LCT: variants seen among roughly 807,000 people sequenced by gnomAD.
LCT encodes the protein lactase, also known as lactase/phlorizin hydrolase.
Under a neutral mutation model 173.0 loss-of-function variants are expected in LCT, and 90 were observed. The observed-to-expected ratio is 0.52, with a 90% CI of 0.44 to 0.62. The LOEUF (loss-of-function observed/expected upper bound fraction) is 0.62. Among genes scored for constraint, LCT ranks in the 20% least tolerant of loss-of-function variants. The pLI, the probability that LCT is intolerant of heterozygous loss-of-function variation, is 0.00. For missense variants in LCT, 1,864 were observed against 2,431.4 expected, an observed-to-expected ratio of 0.77 and a Z score of 4.91; for synonymous variants, 853 against 957.6, an observed-to-expected ratio of 0.89 and a Z score of 2.02.
At chr2:135,808,107 G>A (rs778364330) in intron 8 of LCT, among the ~76,000 whole-genome samples, 15 of 151,878 alleles carry the variant, frequency 9.9e-5, no homozygotes, top group Non-Finnish European at 1.9e-4. Flanking sequence ...TAAGCTCTAC[G>A]AAGGCAGAAA....
rs780948649 is a variant in LCT, at chr2:135,809,107, G to A, written c.3240C>T (p.Pro1080=). The change falls in exon 8 of 17, where the codon CCC becomes CCT. Residue 1080 remains proline (P), a synonymous_variant. Transcript: ENST00000264162. The surrounding 1 kb of genome is among the most constrained non-coding windows in gnomAD (Gnocchi z 5.5). ...CCCAGCCTGGGTCCTTCACCCCTGGGGGAAATTCCCCTGAGCCATAACCTA... is the reference window on the plus strand; with the variant it reads ...CCCAGCCTGGGTCCTTCACCCCTGGAGGAAATTCCCCTGAGCCATAACCTA... ...AWLGYGSGEF[P]PGVKDPGWAP... 3 of 1,614,114 alleles carry A rather than the reference G, an allele frequency of 1.9e-6. No individual in the cohort carries two copies. In the South Asian group the frequency reaches 3.3e-5, roughly 18 times the overall value.
chr2:135,834,352 A>T (rs1356127193), intron 1 of LCT, among the ~76,000 whole-genome samples: 1 of 151,454 alleles, frequency 6.6e-6, no homozygotes, highest in Admixed American at 6.6e-5. Flanking sequence ...CGCCTCGCTA[A>T]TTTTTTGTAT....
intron 6 of LCT, among the ~76,000 whole-genome samples, chr2:135,816,757 C>T (rs1258490870): frequency 6.6e-6 from 1 of 152,208 alleles, no homozygotes; most frequent in East Asian, 1.9e-4. Flanking sequence ...ATCATGACCA[C>T]ATTGTTTATC....
rs138208430 is a variant in LCT, at chr2:135,797,695, C to T, written c.4976+334G>A. Among the ~76,000 whole-genome samples, 142 of 152,266 alleles carry T rather than the reference C, an allele frequency of 9.3e-4. 1 individual carries two copies. Among genetic ancestry groups the T allele is most frequent in the African/African-American group, 3.2e-3 (131 of 41,550 alleles). On this transcript the variant is annotated intron_variant, in intron 13 of 16. Transcript: ENST00000264162. Reference sequence around the variant, plus strand: ...TGCTGGCCAAGTGATGCAAAGCACACGCCTGACTGTCAGCCACTGCCACCC... The same window carrying T: ...TGCTGGCCAAGTGATGCAAAGCACATGCCTGACTGTCAGCCACTGCCACCC...
chr2:135,817,019 A>AT (rs1045272455), intron 6 of LCT, among the ~76,000 whole-genome samples: 2 of 151,352 alleles, frequency 1.3e-5, no homozygotes, highest in African/African-American at 4.9e-5. Flanking sequence ...CAGGCGTGCA[A>AT]CACTATGCCC....
chr2:135,815,980 C>T (rs1325191583), intron 6 of LCT, among the ~76,000 whole-genome samples: 97 of 152,218 alleles, frequency 6.4e-4, no homozygotes, highest in African/African-American at 2.4e-5. Flanking sequence ...GGATTACAGG[C>T]GTGAGCCACC....
chr2:135,831,165 C>A (rs2077934708), intron 2 of LCT, among the ~76,000 whole-genome samples: 2 of 152,146 alleles, frequency 1.3e-5, no homozygotes, highest in African/African-American at 4.8e-5. Flanking sequence ...GGCTAAGGGT[C>A]CGGGTGGGGA....
In LCT at chr2:135,817,766, C is replaced by T. The variant is rs144650214; in HGVS notation, c.1282G>A (p.Val428Met). 5.6e-6 allele frequency: 9 copies of T among 1,613,814 alleles called. No individual in the cohort carries two copies. Among genetic ancestry groups the T allele is most frequent in the Non-Finnish European group, 7.6e-6 (9 of 1,179,970 alleles). ...NTTEGQATLEVASDSYHKVAS... is the reference protein window; with the variant it reads ...NTTEGQATLEMASDSYHKVAS... ...ACCTTGTGGTAACTGTCGCTGGCCA[C>T]CTCCAGCGTCGCTTGGCCCTCAGTG... Residue 428 changes from valine (V) to methionine (M), a missense_variant, in exon 6 of 17, where the codon GTG (valine) becomes ATG (methionine). Val to Met is a conservative substitution (Grantham distance 21). This residue lies in a region of LCT where 183 missense variants were observed against 293.1 expected (regional missense o/e 0.62). Transcript: ENST00000264162.
chr2:135,801,573 G>C (rs1244277099), intron 11 of LCT, among the ~76,000 whole-genome samples: 1 of 151,716 alleles, frequency 6.6e-6, no homozygotes, highest in Non-Finnish European at 1.5e-5. Flanking sequence ...AAATTAGCCA[G>C]CTGTGGTGGC....
At chr2:135,805,851 T>C (rs1288631771) in intron 9 of LCT, among the ~76,000 whole-genome samples, 1 of 152,134 alleles carries the variant, frequency 6.6e-6, no homozygotes, top group Non-Finnish European at 1.5e-5. Context: ...CTCATGTCAA[T>C]AAATCTACCG....
rs540136979 is a variant in LCT, at chr2:135,808,524, C to G, written c.3823G>C (p.Gly1275Arg). The change falls in exon 8 of 17, where the codon GGA (glycine) becomes CGA (arginine). Residue 1275 changes from glycine (G) to arginine (R), a missense_variant. Physicochemically the swap from Gly to Arg is moderately radical, Grantham distance 125. Coordinates refer to ENST00000264162, the MANE Select transcript of LCT (RefSeq NM_002299.4). ...GTGTTCGGATTGGTCAGCCCCACTC[C>G]GTTTTCGGTGATGTAAATGGGGATG... ...GDIPIYITENGVGLTNPNTED... is the reference protein window; with the variant it reads ...GDIPIYITENRVGLTNPNTED... 1.2e-6 allele frequency: 2 copies of G among 1,614,110 alleles called. No individual in the cohort carries two copies.
chr2:135,825,900 G>A (rs925074317), intron 3 of LCT, among the ~76,000 whole-genome samples: 1 of 152,212 alleles, frequency 6.6e-6, no homozygotes, highest in African/African-American at 2.4e-5. Context: ...ACACTGGGAA[G>A]GTGGGCAGCA....
rs199744406 is a variant in LCT at position 135,809,211 on chromosome 2, C to A, written c.3136G>T (p.Ala1046Ser). 1 of 1,614,222 alleles carries A rather than the reference C, an allele frequency of 6.2e-7. No individual in the cohort carries two copies. Among genetic ancestry groups the A allele is most frequent in the South Asian group, 1.1e-5 (1 of 91,082 alleles). Residue 1046 changes from alanine to serine, a missense_variant, in exon 8 of 17, where the codon GCA becomes TCA. Coordinates refer to ENST00000264162, the MANE Select transcript of LCT (RefSeq NM_002299.4). This position sits in a 1 kb window ranked among gnomAD's most constrained non-coding sequence, Gnocchi z 5.5. Reference sequence around the variant, plus strand: ...CCAAAGGTCTGGAAACAAAAGTCTGCGTAGCTGTCAAACAAGTCAATCAAG... The same window carrying A: ...CCAAAGGTCTGGAAACAAAAGTCTGAGTAGCTGTCAAACAAGTCAATCAAG... The part of the protein sequence containing the change: ...PALIDLFDSY[A>S]DFCFQTFGDR...
chr2:135,806,917 G>A (rs745709684), intron 9 of LCT, among the ~76,000 whole-genome samples: 3 of 152,220 alleles, frequency 2.0e-5, no homozygotes, highest in Non-Finnish European at 4.4e-5. Flanking sequence ...ACCCATCTCA[G>A]GACAGCGAGC....
chr2:135,807,002 A>C (rs1223146262), intron 9 of LCT, 126 bp downstream of exon 9: 2 of 1,103,904 alleles, frequency 1.8e-6, no homozygotes, highest in East Asian at 5.0e-5. Context: ...CCCAGACCCC[A>C]TGCTGCCCCT....
At position 135,824,000 on chromosome 2, in the gene LCT, T is replaced by C. The variant is rs750581184; in HGVS notation, c.808A>G (p.Ile270Val). Residue 270 changes from isoleucine to valine, a missense_variant, in exon 4 of 17, where the codon ATT (isoleucine) becomes GTT (valine). This residue lies in a region of LCT where 412 missense variants were observed against 462.0 expected (regional missense o/e 0.89). Transcript: ENST00000264162. ...LRQKLSKLQT[I>V]EPKVKVFIFN... ...ATGAAAACTTTCACTTTTGGCTCAATGGTCTGAAAAAGAGAAGGACCAGCA... is the reference window on the plus strand; with the variant it reads ...ATGAAAACTTTCACTTTTGGCTCAACGGTCTGAAAAAGAGAAGGACCAGCA... 4.3e-6 allele frequency: 7 copies of C among 1,610,252 alleles called. No homozygotes were observed. The East Asian group carries it at 1.3e-4, about 31-fold the overall frequency.
Position 135,809,511 on chromosome 2 carries a change from T to C in LCT, c.2836A>G (p.Asn946Asp), listed in dbSNP as rs1558738156. The C allele has an allele frequency of 6.2e-7, 1 of 1,614,262 alleles. No individual in the cohort carries two copies. Among genetic ancestry groups the C allele is most frequent in the East Asian group, 2.2e-5 (1 of 44,888 alleles). Residue 946 changes from asparagine (N) to aspartate (D), a missense_variant, in exon 8 of 17, where the codon AAT (asparagine) becomes GAT (aspartate). Transcript: ENST00000264162. This position sits in a 1 kb window ranked among gnomAD's most constrained non-coding sequence, Gnocchi z 5.5. The part of the protein sequence containing the change: ...THTPGSNVKD[N>D]ATGDIACDSY... ...TCACAGGCGATGTCTCCAGTGGCAT[T>C]GTCTTTCACATTGCTCCCTGGTGTG...
At position 135,836,615 on chromosome 2, in the gene LCT, C is replaced by A. The variant is rs1330637277; in HGVS notation, c.555G>T (p.Gln185His). 6.2e-7 allele frequency: 1 copy of A among 1,613,952 alleles called. No individual in the cohort carries two copies. The highest frequency in any genetic ancestry group is 8.5e-7 in the Non-Finnish European group (1 of 1,179,974). ...LEEVIKELPH[Q>H]ESRASQLQTL... ...TCTGGAGTTGTGACGCTCTTGATTCCTGGTGGGGAAGCTCCTTGATCACTT... is the reference window on the plus strand; with the variant it reads ...TCTGGAGTTGTGACGCTCTTGATTCATGGTGGGGAAGCTCCTTGATCACTT... The change falls in exon 1 of 17, where the codon CAG becomes CAT. Residue 185 changes from glutamine (Q) to histidine (H), a missense_variant. Coordinates refer to ENST00000264162, the MANE Select transcript of LCT (RefSeq NM_002299.4).
chr2:135,810,609 A>G (rs1433118639), intron 7 of LCT, among the ~76,000 whole-genome samples: 3 of 152,142 alleles, frequency 2.0e-5, no homozygotes, highest in Non-Finnish European at 4.4e-5. Flanking sequence ...TCTTTTAACA[A>G]TATGCTTTTG....
Sources: allele counts gnomAD v4.1 joint callset (sites outside exome capture counted in the v4.1 genomes callset), GRCh38; gene constraint gnomAD v4.1.1; regional missense constraint gnomAD v4.1.1; non-coding constraint Gnocchi (gnomAD v3.1); transcripts MANE v1.5; gene names NCBI Gene and HGNC (gene_info 2026-07-23, HGNC 2026-07-21).